The following ECHDC1 variants were observed in gnomAD, a reference collection of about 807,000 sequenced individuals.
The protein encoded by ECHDC1 is ethylmalonyl-CoA decarboxylase 1, also known as ethylmalonyl-CoA decarboxylase.
A neutral mutation model predicts 29.7 loss-of-function variants in ECHDC1; 29 were observed. The observed-to-expected ratio is 0.98, with a 90% confidence interval of 0.73 to 1.33. The LOEUF is 1.33. ECHDC1 is among the 40% of genes most tolerant of loss of function. ECHDC1 has a pLI of 0.00. For missense variants in ECHDC1, 328 were observed against 350.0 expected (o/e 0.94, Z 0.50); for synonymous variants, 126 against 123.1 (o/e 1.02, Z -0.15).
At chr6:127,292,089 A>C (rs993167584) in intron 5 of ECHDC1, among the ~76,000 whole-genome samples, 4 of 152,036 alleles carry the variant, frequency 2.6e-5, no homozygotes. Flanking sequence ...CAATCCTATA[A>C]AGCTTTTTAC....
intron 5 of ECHDC1, among the ~76,000 whole-genome samples, chr6:127,306,962 A>T (rs1781489931): frequency 6.6e-6 from 1 of 152,236 alleles, no homozygotes. Flanking sequence ...AAAAAATTAA[A>T]ATAATAAACA....
intron 3 of ECHDC1, among the ~76,000 whole-genome samples, chr6:127,318,344 C>G (rs918233695): frequency 6.6e-6 from 1 of 152,146 alleles, no homozygotes; most frequent in African/African-American, 2.4e-5. Flanking sequence ...TTCTAAATCT[C>G]ACAATAACAA....
intron 5 of ECHDC1, among the ~76,000 whole-genome samples, chr6:127,302,038 C>T (rs1261217349): frequency 2.0e-5 from 3 of 152,142 alleles, no homozygotes; most frequent in African/African-American, 7.2e-5. Flanking sequence ...TGAGAGTAGG[C>T]AGTACCCTCA....
At chr6:127,328,290 TA>T (rs1476670217) in intron 2 of ECHDC1, among the ~76,000 whole-genome samples, 3 of 152,162 alleles carry the variant, frequency 2.0e-5, no homozygotes, top group Non-Finnish European at 2.9e-5. Context: ...AAAATAGAGC[TA>T]AAAAATTCCT....
At chr6:127,326,884 C>A in intron 3 of ECHDC1, 118 bp downstream of exon 3, 2 of 1,213,840 alleles carry the variant, frequency 1.6e-6, no homozygotes, top group East Asian at 4.9e-5. Flanking sequence ...ACCAAAAAAT[C>A]CCCATAATCC....
intron 5 of ECHDC1, among the ~76,000 whole-genome samples, chr6:127,306,738 G>C (rs747801697): frequency 1.7e-4 from 26 of 152,194 alleles, no homozygotes; most frequent in Non-Finnish European, 2.9e-4. Context: ...AGCAATGCAA[G>C]AATGGACTAA....
intron 5 of ECHDC1, among the ~76,000 whole-genome samples, chr6:127,307,859 T>C (rs1582952066): frequency 6.6e-6 from 1 of 151,126 alleles, no homozygotes; most frequent in South Asian, 2.1e-4. Context: ...GTGGCTACAA[T>C]GAGCAACTAC....
At chr6:127,309,805 C>T (rs371878419) in intron 5 of ECHDC1, among the ~76,000 whole-genome samples, 15 of 152,100 alleles carry the variant, frequency 9.9e-5, no homozygotes, top group Admixed American at 7.9e-4. Flanking sequence ...GAAGGCGAAG[C>T]GGAAGCAGGC....
At chr6:127,317,060 T>C (rs1294876878) in intron 3 of ECHDC1, among the ~76,000 whole-genome samples, 2 of 152,238 alleles carry the variant, frequency 1.3e-5, no homozygotes, top group East Asian at 3.9e-4. Flanking sequence ...AAATCTCTCC[T>C]CAAAAGCTTT....
Position 127,289,815 on chromosome 6 carries a change from T to C in ECHDC1, c.*54A>G. ...TTCATATTTAATATCATTTAACATT[T>C]ATACATATTAGTCACTGGAGCTTTA... is the stretch of plus-strand genomic sequence containing the variant. On this transcript the variant is annotated 3_prime_UTR_variant, in exon 6 of 6. Transcript: ENST00000454859. The C allele has an allele frequency of 1.4e-6, 2 of 1,478,654 alleles. No homozygotes were observed. Among genetic ancestry groups the C allele is most frequent in the Non-Finnish European group, 1.8e-6 (2 of 1,096,818 alleles). The allele number at this position is 1,478,654 out of a possible 1,614,324, so 91.6% of individuals were successfully genotyped here.
At chr6:127,303,526 C>T (rs150304161) in intron 5 of ECHDC1, among the ~76,000 whole-genome samples, 47 of 152,308 alleles carry the variant, frequency 3.1e-4, no homozygotes, top group African/African-American at 1.1e-3. Context: ...CTCTTCAACA[C>T]TACAAAGGCT....
chr6:127,289,717 A>C lies in ECHDC1; in HGVS notation c.*152T>G. 1 of 792,958 alleles carries C rather than the reference A, an allele frequency of 1.3e-6. No individual in the cohort carries two copies. Among genetic ancestry groups the C allele is most frequent in the Non-Finnish European group, 1.9e-6 (1 of 528,244 alleles). 49.1% of individuals were successfully genotyped at this position (792,958 alleles called of 1,614,324 possible). ...GTGAGTAATTGGCAAGAAATGAGGT[A>C]AATGAGTTCAGATATTCAAATGATT... On this transcript the variant is annotated 3_prime_UTR_variant, in exon 6 of 6. Coordinates refer to ENST00000454859, the MANE Select transcript of ECHDC1 (RefSeq NM_001002030.2).
rs1783384973 is a variant in ECHDC1, at chr6:127,326,806, C to T, written c.363+196G>A. Reference sequence around the variant, plus strand: ...ACAAGAGCCGTTCGCAGATATACTACTAGTAAAACCTCAGAATCATTTGCT... The same window carrying T: ...ACAAGAGCCGTTCGCAGATATACTATTAGTAAAACCTCAGAATCATTTGCT... On this transcript the variant is annotated intron_variant, in intron 3 of 5. Coordinates refer to ENST00000454859, the MANE Select transcript of ECHDC1 (RefSeq NM_001002030.2). 7.4e-6 allele frequency: 4 copies of T among 542,444 alleles called. No individual in the cohort carries two copies. The South Asian group carries it at 8.6e-5, about 12-fold the overall frequency. The allele number at this position is 542,444 out of a possible 1,614,324, so 33.6% of individuals were successfully genotyped here.
chr6:127,297,115 G>A (rs911890678), intron 5 of ECHDC1, among the ~76,000 whole-genome samples: 7 of 152,314 alleles, frequency 4.6e-5, no homozygotes, highest in Non-Finnish European at 7.3e-5. Flanking sequence ...AGTAGGCTCT[G>A]TTGACAAGGC....
At chr6:127,294,586 A>G (rs1780440907) in intron 5 of ECHDC1, 1 of 152,164 alleles carries the variant, frequency 6.6e-6, no homozygotes, top group Non-Finnish European at 1.5e-5. Context: ...GTAAGAAGGT[A>G]TATAGTCGAA....
intron 3 of ECHDC1, among the ~76,000 whole-genome samples, chr6:127,321,639 A>G (rs1782834145): frequency 6.6e-6 from 1 of 152,224 alleles, no homozygotes; most frequent in South Asian, 2.1e-4. Context: ...TATTTCTTAT[A>G]CTATGACTTC....
chr6:127,324,804 A>G (rs538043820), intron 3 of ECHDC1, among the ~76,000 whole-genome samples: 139 of 152,342 alleles, frequency 9.1e-4, no homozygotes, highest in African/African-American at 3.2e-3. Context: ...AACAAAATGA[A>G]TAATGCATAT....
chr6:127,296,172 A>C (rs1308814050), intron 5 of ECHDC1, among the ~76,000 whole-genome samples: 1 of 152,160 alleles, frequency 6.6e-6, no homozygotes, highest in East Asian at 1.9e-4. Context: ...AGATTGATAG[A>C]TATGACTACT....
In ECHDC1 at chr6:127,330,910, G is replaced by GT. The variant is rs753323556; in HGVS notation, c.118dup (p.Thr40AsnfsTer11). The GT allele has an allele frequency of 3.1e-6, 5 of 1,614,046 alleles. No homozygotes were observed. Among genetic ancestry groups the GT allele is most frequent in the Admixed American group, 3.3e-5 (2 of 60,012 alleles). Reference sequence around the variant, plus strand: ...GGATCCACCAGGAAACTGCTGAAGTGTTTTTTTCACTTCTTCCTCATAAAA... The same window carrying GT: ...GGATCCACCAGGAAACTGCTGAAGTGTTTTTTTTCACTTCTTCCTCATAAAA... On this transcript the variant is annotated frameshift_variant, in exon 2 of 6. Transcript: ENST00000454859. LOFTEE classifies it high-confidence loss of function.
Sources: allele counts gnomAD v4.1 joint callset (sites outside exome capture counted in the v4.1 genomes callset), GRCh38; gene constraint gnomAD v4.1.1; transcripts MANE v1.5; gene names NCBI Gene and HGNC (gene_info 2026-07-23, HGNC 2026-07-21).